Variants in ACYP2 observed in about 807,000 individuals in gnomAD.
ACYP2 encodes the protein acylphosphatase-2.
In ACYP2, 12 loss-of-function variants were observed where a neutral mutation model predicts 11.2. The ratio of observed to expected loss-of-function variants is 1.08; its 90% CI spans 0.69 to 1.74. The LOEUF (loss-of-function observed/expected upper bound fraction) is 1.74. ACYP2 is among the 40% of genes most tolerant of loss of function. The pLI is 0.00. For synonymous variants in ACYP2, 43 were observed against 32.2 expected (o/e 1.33, Z -1.13); for missense variants, 134 against 101.9 (o/e 1.31, Z -1.35).
At chr2:54,138,871 C>T (rs1013001228) in intron 6 of ACYP2, 123 bp downstream of exon 3, 16 of 724,534 alleles carry the variant, frequency 2.2e-5, no homozygotes, top group Non-Finnish European at 3.4e-5. Context: ...CGGCTCACTA[C>T]AACCTCTGCC....
At chr2:54,000,765 T>C (rs188009139) in intron 2 of ACYP2, among the ~76,000 whole-genome samples, 1 of 152,264 alleles carries the variant, frequency 6.6e-6, no homozygotes, top group East Asian at 1.9e-4. Context: ...AGAACACATC[T>C]TTTCCACTTA....
intron 6 of ACYP2, among the ~76,000 whole-genome samples, chr2:54,163,723 G>C (rs953526278): frequency 1.3e-5 from 2 of 152,070 alleles, no homozygotes; most frequent in Non-Finnish European, 2.9e-5. Context: ...AGGTGTGTTG[G>C]TGGATGCCTG....
intron 4 of ACYP2, among the ~76,000 whole-genome samples, chr2:54,129,782 A>G (rs1680784624): frequency 6.7e-6 from 1 of 149,210 alleles, no homozygotes; most frequent in African/African-American, 2.4e-5. Flanking sequence ...GAGCATCATC[A>G]CTTTGAAAGT....
chr2:54,304,808 G>T lies in ACYP2; in HGVS notation c.*6G>T. On this transcript the variant is annotated 3_prime_UTR_variant, in exon 7 of 7. Transcript: ENST00000607452. ...ATTTTAGTATTAGATACTAATAGAA[G>T]AGAAAAATTGTAACACACTGAACAA... 3 of 1,496,410 alleles carry T rather than the reference G, an allele frequency of 2.0e-6. No homozygotes were observed. Among genetic ancestry groups the T allele is most frequent in the Non-Finnish European group, 2.8e-6 (3 of 1,078,602 alleles). The allele number at this position is 1,496,410 out of a possible 1,614,324, so 92.7% of individuals were successfully genotyped here.
chr2:54,304,723 C>G lies in ACYP2; in HGVS notation c.440C>G (p.Ser147Cys). 1 of 1,612,124 alleles carries G rather than the reference C, an allele frequency of 6.2e-7. No homozygotes were observed. Among genetic ancestry groups the G allele is most frequent in the Non-Finnish European group, 8.5e-7 (1 of 1,179,518 alleles). Residue 147 changes from serine (S) to cysteine (C), a missense_variant, in exon 7 of 7, where the codon TCT becomes TGT. Coordinates refer to ENST00000607452, the MANE Select transcript of ACYP2 (RefSeq NM_001320586.2). Reference sequence around the variant, plus strand: ...CTGAGCAAGGTTGGAAGCCCTAGTTCTCGCATTGACCGCACAAACTTTTCT... The same window carrying G: ...CTGAGCAAGGTTGGAAGCCCTAGTTGTCGCATTGACCGCACAAACTTTTCT...
At chr2:54,201,654 C>G (rs373518519) in intron 6 of ACYP2, among the ~76,000 whole-genome samples, 23 of 66,770 alleles carry the variant, frequency 3.4e-4, no homozygotes, top group South Asian at 1.4e-3. Context: ...TTCTTTCTTT[C>G]TTTCTTTCTT....
chr2:54,227,963 C>T (rs1049174249), intron 6 of ACYP2, among the ~76,000 whole-genome samples: 1 of 152,198 alleles, frequency 6.6e-6, no homozygotes, highest in African/African-American at 2.4e-5. Flanking sequence ...GAAAGCTAAA[C>T]CCCAGCTGCT....
At chr2:54,225,656 A>G (rs1171907166) in intron 6 of ACYP2, among the ~76,000 whole-genome samples, 2 of 152,146 alleles carry the variant, frequency 1.3e-5, no homozygotes, top group Non-Finnish European at 1.5e-5. Context: ...TTGAATTGCT[A>G]GTGATCTTTA....
chr2:54,018,084 A>T (rs1236387563), intron 2 of ACYP2, among the ~76,000 whole-genome samples: 1 of 152,016 alleles, frequency 6.6e-6, no homozygotes, highest in East Asian at 1.9e-4. Flanking sequence ...ACGTGGGGAG[A>T]CGATGGACCT....
At chr2:54,286,806 C>G (rs1689096293) in intron 6 of ACYP2, among the ~76,000 whole-genome samples, 1 of 151,952 alleles carries the variant, frequency 6.6e-6, no homozygotes, top group South Asian at 2.1e-4. Flanking sequence ...AGGCCTAAAA[C>G]AAAATACAGC....
At chr2:54,272,941 T>A (rs1455951704) in intron 6 of ACYP2, among the ~76,000 whole-genome samples, 1 of 152,248 alleles carries the variant, frequency 6.6e-6, no homozygotes, top group Non-Finnish European at 1.5e-5. Context: ...ACTGTATTTG[T>A]CATGAGCCTT....
chr2:54,013,048 T>C (rs1307233273), intron 2 of ACYP2, among the ~76,000 whole-genome samples: 16 of 152,086 alleles, frequency 1.1e-4, no homozygotes, highest in Non-Finnish European at 2.1e-4. Flanking sequence ...TTCGCAGATA[T>C]ATCTATCTGC....
rs1673439274 is a variant in ACYP2 at position 54,012,689 on chromosome 2, C to T, written c.63-38269C>T. 2.6e-5 allele frequency among the ~76,000 whole-genome samples: 4 copies of T among 152,106 alleles called. No individual in the cohort carries two copies. In the South Asian group the frequency reaches 8.3e-4, roughly 32 times the overall value. ...TCGTCTGATCTACAGTCCTTTAATC[C>T]ATCATCTCTGTCTGGCGCGGGTTGT... On this transcript the variant is annotated intron_variant, in intron 2 of 6. Coordinates refer to ENST00000607452, the MANE Select transcript of ACYP2 (RefSeq NM_001320586.2).
At chr2:54,153,367 T>G (rs1682273170) in intron 6 of ACYP2, among the ~76,000 whole-genome samples, 1 of 152,108 alleles carries the variant, frequency 6.6e-6, no homozygotes, top group Admixed American at 6.6e-5. Flanking sequence ...CCATGCTGTT[T>G]TAATTACTAC....
intron 6 of ACYP2, among the ~76,000 whole-genome samples, chr2:54,285,519 A>G (rs1233949757): frequency 2.0e-5 from 3 of 152,198 alleles, no homozygotes; most frequent in African/African-American, 7.2e-5. Flanking sequence ...TAGGTGTCTA[A>G]AAAGCATCTC....
At chr2:54,180,997 A>G (rs779939216) in intron 6 of ACYP2, among the ~76,000 whole-genome samples, 1 of 152,232 alleles carries the variant, frequency 6.6e-6, no homozygotes, top group Non-Finnish European at 1.5e-5. Flanking sequence ...TTAGAGGGAC[A>G]TAAACATTCA....
chr2:54,254,986 C>T (rs534549765), intron 6 of ACYP2: 32 of 1,614,132 alleles, frequency 2.0e-5, no homozygotes, highest in Non-Finnish European at 2.6e-5. Flanking sequence ...ACGTCTAGCT[C>T]TATGGGCGTC....
At chr2:54,187,734 C>A (rs1039113007) in intron 6 of ACYP2, among the ~76,000 whole-genome samples, 15 of 152,140 alleles carry the variant, frequency 9.9e-5, no homozygotes, top group African/African-American at 3.1e-4. Flanking sequence ...AGAGAAGAGG[C>A]CTTCCACTGC....
chr2:54,246,977 C>A (rs1003213617), intron 6 of ACYP2, among the ~76,000 whole-genome samples: 1 of 152,140 alleles, frequency 6.6e-6, no homozygotes, highest in Admixed American at 6.5e-5. Flanking sequence ...ACACTTAAGA[C>A]CCTCTAGTCT....
Sources: allele counts gnomAD v4.1 joint callset (sites outside exome capture counted in the v4.1 genomes callset), GRCh38; gene constraint gnomAD v4.1.1; transcripts MANE v1.5; gene names NCBI Gene and HGNC (gene_info 2026-07-23, HGNC 2026-07-21).